Variants in SLC9C1 observed in about 807,000 individuals in gnomAD.
SLC9C1 encodes solute carrier family 9 member C1.
SLC9C1 carries 97 observed loss-of-function variants against 140.9 expected under a neutral mutation model. The observed-to-expected ratio is 0.69, with a 90% confidence interval of 0.58 to 0.82. The LOEUF (loss-of-function observed/expected upper bound fraction) is 0.82, where lower values mean the gene tolerates loss of function less well. Ranked by LOEUF, SLC9C1 falls within the 40% of genes least tolerant of loss-of-function variation. The pLI, the probability that SLC9C1 is intolerant of heterozygous loss-of-function variation, is 0.00. For synonymous variants in SLC9C1, 440 were observed against 442.6 expected (o/e 0.99, Z 0.07); for missense variants, 1,340 against 1,389.3 (o/e 0.96, Z 0.56).
intron 26 of SLC9C1, among the ~76,000 whole-genome samples, 153 bp downstream of exon 26, chr3:112,167,068 T>C (rs1251224558): frequency 6.6e-6 from 1 of 152,224 alleles, no homozygotes; most frequent in Non-Finnish European, 1.5e-5. Context: ...CAATATTGTC[T>C]GTCTGAACTC....
intron 13 of SLC9C1, among the ~76,000 whole-genome samples, chr3:112,227,312 C>T (rs1586873): frequency 0.3 from 45,014 of 152,044 alleles, 7,219 homozygotes; most frequent in East Asian, 0.43. Flanking sequence ...GGCTAATATC[C>T]CTCATGAACA....
Position 112,231,439 on chromosome 3 carries a change from G to A in SLC9C1, c.1494C>T (p.His498=). 1 of 1,613,032 alleles carries A rather than the reference G, an allele frequency of 6.2e-7. No individual in the cohort carries two copies. Among genetic ancestry groups the A allele is most frequent in the Non-Finnish European group, 8.5e-7 (1 of 1,179,488 alleles). The change falls in exon 13 of 29, where the codon CAC becomes CAT. Residue 498 remains histidine, a synonymous_variant. Transcript: ENST00000305815. Reference sequence around the variant, plus strand: ...AGATCTCATCTATTTCCTTGTTACAGTGTGGACATTTCACCTTCTGATGTT... The same window carrying A: ...AGATCTCATCTATTTCCTTGTTACAATGTGGACATTTCACCTTCTGATGTT... ...TTEHQKVKCP[H]CNKEIDEIFN...
chr3:112,156,267 C>A (rs1297411835), intron 26 of SLC9C1, among the ~76,000 whole-genome samples: 1 of 151,984 alleles, frequency 6.6e-6, no homozygotes, highest in Non-Finnish European at 1.5e-5. Context: ...TCTTTCTGTG[C>A]CTGGATTATT....
intron 25 of SLC9C1, among the ~76,000 whole-genome samples, 186 bp from the exon 26 acceptor site, chr3:112,167,533 T>A (rs186872760): frequency 2.6e-3 from 403 of 152,266 alleles, no homozygotes; most frequent in Middle Eastern, 3.4e-3. Context: ...AAGTCACTAT[T>A]CCATATACAT....
chr3:112,157,412 G>A (rs1403694727), intron 26 of SLC9C1, among the ~76,000 whole-genome samples: 1 of 152,040 alleles, frequency 6.6e-6, no homozygotes, highest in Non-Finnish European at 1.5e-5. Flanking sequence ...TGCTATTTTG[G>A]TAATTGTAGC....
intron 16 of SLC9C1, among the ~76,000 whole-genome samples, 176 bp downstream of exon 16, chr3:112,208,002 A>G (rs188507874): frequency 4.0e-4 from 61 of 152,344 alleles, no homozygotes; most frequent in Non-Finnish European, 7.4e-4. Flanking sequence ...TCAAGTATGC[A>G]TATTATCTAT....
intron 23 of SLC9C1, among the ~76,000 whole-genome samples, chr3:112,173,986 G>A (rs2077291420): frequency 1.3e-5 from 2 of 152,198 alleles, no homozygotes; most frequent in East Asian, 3.8e-4. Flanking sequence ...TGACTGGTGT[G>A]AGATGGTATC....
At chr3:112,150,453 G>GTAGA (rs2074924753) in intron 28 of SLC9C1, among the ~76,000 whole-genome samples, 1 of 152,052 alleles carries the variant, frequency 6.6e-6, no homozygotes, top group African/African-American at 2.4e-5. Context: ...CTTTTATGAG[G>GTAGA]TAGATACTGT....
chr3:112,173,975 C>T (rs1243394019), intron 23 of SLC9C1, among the ~76,000 whole-genome samples: 1 of 152,160 alleles, frequency 6.6e-6, no homozygotes, highest in Non-Finnish European at 1.5e-5. Flanking sequence ...GATAGTCATT[C>T]TGACTGGTGT....
chr3:112,163,278 C>G (rs1230500065), intron 26 of SLC9C1, among the ~76,000 whole-genome samples: 1 of 146,886 alleles, frequency 6.8e-6, no homozygotes, highest in African/African-American at 2.5e-5. Context: ...TCCTTCAGTT[C>G]TGCTCTGATT....
chr3:112,269,141 G>A (rs761825510), intron 7 of SLC9C1, among the ~76,000 whole-genome samples: 5 of 152,108 alleles, frequency 3.3e-5, no homozygotes, highest in African/African-American at 7.2e-5. Flanking sequence ...TTAGAGAGAC[G>A]GCTTCTCTCT....
chr3:112,185,412 A>G, intron 20 of SLC9C1: 1 of 1,144,850 alleles, frequency 8.7e-7, no homozygotes, highest in Non-Finnish European at 1.2e-6. Flanking sequence ...TGAAAGAGGC[A>G]CTCAGGGGTG....
At chr3:112,259,416 TA>T (rs71134817) in intron 10 of SLC9C1, among the ~76,000 whole-genome samples, 45,709 of 126,336 alleles carry the variant, frequency 0.36, 7,736 homozygotes, top group East Asian at 0.44. Flanking sequence ...TTTACCTATC[TA>T]AAAAAAAAAA....
At chr3:112,258,109 C>T (rs878890397) in intron 10 of SLC9C1, among the ~76,000 whole-genome samples, 1 of 152,096 alleles carries the variant, frequency 6.6e-6, no homozygotes, top group Non-Finnish European at 1.5e-5. Flanking sequence ...TAAGGTAGTT[C>T]AATCATTGTG....
In SLC9C1 at chr3:112,280,700, T is replaced by G; in HGVS notation, c.172A>C (p.Ser58Arg). 1 of 1,610,672 alleles carries G rather than the reference T, an allele frequency of 6.2e-7. No homozygotes were observed. The highest frequency in any genetic ancestry group is 8.5e-7 in the Non-Finnish European group (1 of 1,178,998). ...ATACACACCTGTGAAGATGTAAAGC[T>G]TAATACTTCAAAACTGCATCCAAGT... ...FLLGCSFEVLSFTSSQVQRYA... is the reference protein window; with the variant it reads ...FLLGCSFEVLRFTSSQVQRYA... The change falls in exon 3 of 29, where the codon AGC becomes CGC. Residue 58 changes from serine (S) to arginine (R), a missense_variant. Transcript: ENST00000305815.
chr3:112,188,760 A>G (rs1012410486), intron 20 of SLC9C1, among the ~76,000 whole-genome samples: 17 of 152,302 alleles, frequency 1.1e-4, no homozygotes, highest in African/African-American at 4.1e-4. Flanking sequence ...CAGTAATGGG[A>G]TGGCTGGGTC....
intron 20 of SLC9C1, among the ~76,000 whole-genome samples, chr3:112,196,154 A>G (rs1023669332): frequency 4.7e-5 from 7 of 149,426 alleles, no homozygotes; most frequent in South Asian, 2.1e-4. Context: ...TTGAAGTACA[A>G]TTTTTCTGAA....
intron 10 of SLC9C1, among the ~76,000 whole-genome samples, chr3:112,254,022 G>A (rs1339739061): frequency 6.6e-6 from 1 of 152,080 alleles, no homozygotes; most frequent in Non-Finnish European, 1.5e-5. Context: ...CATGAAATAA[G>A]ACAGTCAGAT....
At chr3:112,146,316 G>T (rs1421288367) in intron 28 of SLC9C1, among the ~76,000 whole-genome samples, 1 of 151,730 alleles carries the variant, frequency 6.6e-6, no homozygotes, top group Non-Finnish European at 1.5e-5. Context: ...ATTTTGTTCA[G>T]TTCTTTTCTG....
Sources: allele counts gnomAD v4.1 joint callset (sites outside exome capture counted in the v4.1 genomes callset), GRCh38; gene constraint gnomAD v4.1.1; transcripts MANE v1.5; gene names NCBI Gene and HGNC (gene_info 2026-07-23, HGNC 2026-07-21).